Variants in EFCAB14 observed in about 807,000 individuals in gnomAD.
EFCAB14 encodes EF-hand calcium-binding domain-containing protein 14.
A neutral mutation model predicts 56.5 loss-of-function variants in EFCAB14; 43 were observed. That is an observed-to-expected ratio of 0.76 (90% CI 0.60 to 0.98). The LOEUF (loss-of-function observed/expected upper bound fraction) is 0.98. Ranked by LOEUF, EFCAB14 falls within the 50% of genes least tolerant of loss-of-function variation. The pLI, the probability that EFCAB14 is intolerant of heterozygous loss-of-function variation, is 0.00. For synonymous variants in EFCAB14, 235 were observed against 212.9 expected (o/e 1.10, Z -0.90); for missense variants, 538 against 580.3 (o/e 0.93, Z 0.75).
intron 3 of EFCAB14, among the ~76,000 whole-genome samples, chr1:46,703,110 G>A (rs115719726): frequency 0.012 from 1,800 of 148,466 alleles, 33 homozygotes; most frequent in African/African-American, 0.044. Context: ...TCCTCTGCTC[G>A]TACTTTTTTT....
Position 46,680,564 on chromosome 1 carries a change from A to G in EFCAB14, c.1313-1928T>C, listed in dbSNP as rs74458630. Among the ~76,000 whole-genome samples, 857 of 152,338 alleles carry G rather than the reference A, an allele frequency of 5.6e-3. 10 individuals carry two copies. Among genetic ancestry groups the G allele is most frequent in the East Asian group, 0.033 (173 of 5,194 alleles). Reference sequence around the variant, plus strand: ...TGATTAAGAGACTAGTGGTTGCTGGAGACTGGCAGGAGAGGGGACTGGGAG... The same window carrying G: ...TGATTAAGAGACTAGTGGTTGCTGGGGACTGGCAGGAGAGGGGACTGGGAG... On this transcript the variant is annotated intron_variant, in intron 10 of 10. Transcript: ENST00000371933.
intron 7 of EFCAB14, 74 bp downstream of exon 7, chr1:46,688,278 CT>C: frequency 7.0e-7 from 1 of 1,431,732 alleles, no homozygotes; most frequent in South Asian, 1.3e-5. Context: ...GAAGGCTGTT[CT>C]CAAAAGGTGG....
intron 2 of EFCAB14, among the ~76,000 whole-genome samples, chr1:46,712,301 A>T (rs1677321134): frequency 6.6e-6 from 1 of 152,178 alleles, no homozygotes. Flanking sequence ...ACTTTTCCAA[A>T]TTTCTTTTCA....
chr1:46,682,698 T>G (rs1325544372), intron 10 of EFCAB14, among the ~76,000 whole-genome samples: 2 of 152,138 alleles, frequency 1.3e-5, no homozygotes, highest in African/African-American at 4.8e-5. Flanking sequence ...TAAAAAACAT[T>G]AACAGAAAGA....
intron 3 of EFCAB14, among the ~76,000 whole-genome samples, chr1:46,699,931 T>C (rs752848646): frequency 6.6e-6 from 1 of 152,192 alleles, no homozygotes; most frequent in African/African-American, 2.4e-5. Context: ...GGAGCTGCCA[T>C]GCTGTGAGGA....
Position 46,683,368 on chromosome 1 carries a change from A to G in EFCAB14, c.1244T>C (p.Leu415Pro). 2 of 1,614,140 alleles carry G rather than the reference A, an allele frequency of 1.2e-6. No individual in the cohort carries two copies. The highest frequency in any genetic ancestry group is 8.5e-7 in the Non-Finnish European group (1 of 1,179,996). The part of the protein sequence containing the change: ...PSALPKFSQF[L>P]GDPVEKAAQL... Reference sequence around the variant, plus strand: ...GGCAGCTTTCTCAACTGGGTCTCCAAGAAACTGTGAAAATTTTGGCAATGC... The same window carrying G: ...GGCAGCTTTCTCAACTGGGTCTCCAGGAAACTGTGAAAATTTTGGCAATGC... Residue 415 changes from leucine to proline, a missense_variant, in exon 10 of 11, where the codon CTT (leucine) becomes CCT (proline). By Grantham distance (98) the Leu-to-Pro change is moderately conservative. Transcript: ENST00000371933.
intron 4 of EFCAB14, among the ~76,000 whole-genome samples, chr1:46,695,045 A>G (rs1159738254): frequency 1.5e-5 from 2 of 137,266 alleles, no homozygotes; most frequent in African/African-American, 5.4e-5. Context: ...ACTTGGACAC[A>G]GGAAGGGGAA....
intron 2 of EFCAB14, among the ~76,000 whole-genome samples, chr1:46,713,665 TATAA>T (rs1310747225): frequency 2.0e-5 from 3 of 152,110 alleles, no homozygotes; most frequent in Non-Finnish European, 4.4e-5. Flanking sequence ...TTTTGAAATA[TATAA>T]ATAAATAATT....
intron 7 of EFCAB14, among the ~76,000 whole-genome samples, chr1:46,688,005 A>C (rs1158254361): frequency 1.3e-5 from 2 of 152,320 alleles, no homozygotes; most frequent in East Asian, 3.9e-4. Flanking sequence ...TTAAAAAAGA[A>C]AAGACCCAAA....
chr1:46,693,377 T>C (rs1677028946), intron 4 of EFCAB14, among the ~76,000 whole-genome samples: 1 of 152,162 alleles, frequency 6.6e-6, no homozygotes, highest in African/African-American at 2.4e-5. Context: ...ATGACACTAA[T>C]AAAAATTACA....
rs1262047461 is a variant in EFCAB14 at position 46,677,863 on chromosome 1, C to T, written c.*598G>A. 6.6e-6 allele frequency: 1 copy of T among 152,566 alleles called. No homozygotes were observed. The highest frequency in any genetic ancestry group is 1.9e-4 in the East Asian group (1 of 5,190). The allele number at this position is 152,566 out of a possible 1,614,324, so 9.5% of individuals were successfully genotyped here. On this transcript the variant is annotated 3_prime_UTR_variant, in exon 11 of 11. Transcript: ENST00000371933. ...GACAAACCCCCTGGCAGCGCCTGGG[C>T]CTTTGAGGGATACCTTATGGAGACA...
At chr1:46,716,560 T>A in intron 1 of EFCAB14, 117 bp from the exon 2 acceptor site, 1 of 1,189,508 alleles carries the variant, frequency 8.4e-7, no homozygotes, top group Non-Finnish European at 1.2e-6. Context: ...ACCAGTGAAT[T>A]AACCAGGGGA....
intron 10 of EFCAB14, 68 bp from the exon 11 acceptor site, chr1:46,678,704 T>C: frequency 1.4e-6 from 2 of 1,426,080 alleles, no homozygotes; most frequent in East Asian, 2.4e-5. Flanking sequence ...AAAAGTAGTC[T>C]CAACTGAATT....
At position 46,718,344 on chromosome 1, in the gene EFCAB14, G is replaced by C; in HGVS notation, c.-257C>G. ...AGGAGCTGGTGACCCCAAAGGATAA[G>C]GCCTTGGGTGCAGAGTGTTAGTAGA... is the stretch of plus-strand genomic sequence containing the variant. On this transcript the variant is annotated 5_prime_UTR_variant, in exon 1 of 11. Coordinates refer to ENST00000371933, the MANE Select transcript of EFCAB14 (RefSeq NM_014774.3). The C allele has an allele frequency of 2.4e-6, 1 of 420,896 alleles. No individual in the cohort carries two copies. The highest frequency in any genetic ancestry group is 4.4e-6 in the Non-Finnish European group (1 of 229,834). The allele number at this position is 420,896 out of a possible 1,614,324, so 26.1% of individuals were successfully genotyped here.
intron 8 of EFCAB14, chr1:46,686,543 G>C (rs969669197): frequency 4.0e-6 from 2 of 505,172 alleles, no homozygotes; most frequent in African/African-American, 3.9e-5. Context: ...ACCACAATAG[G>C]GGTCACATGT....
At chr1:46,707,305 T>A (rs1393126080) in intron 3 of EFCAB14, among the ~76,000 whole-genome samples, 1 of 152,264 alleles carries the variant, frequency 6.6e-6, no homozygotes, top group Non-Finnish European at 1.5e-5. Context: ...TCCTTATACA[T>A]ACAAGATGCT....
chr1:46,681,285 T>C (rs1676790246), intron 10 of EFCAB14, among the ~76,000 whole-genome samples: 1 of 152,208 alleles, frequency 6.6e-6, no homozygotes, highest in Non-Finnish European at 1.5e-5. Flanking sequence ...TAAAAAATAC[T>C]TGTGTCCCCA....
intron 2 of EFCAB14, among the ~76,000 whole-genome samples, chr1:46,708,445 A>T (rs1677263730): frequency 6.6e-6 from 1 of 152,226 alleles, no homozygotes; most frequent in Non-Finnish European, 1.5e-5. Flanking sequence ...ATGGCTGCAA[A>T]GCACTTAAGA....
At chr1:46,714,631 A>G (rs1190415429) in intron 2 of EFCAB14, among the ~76,000 whole-genome samples, 1 of 151,904 alleles carries the variant, frequency 6.6e-6, no homozygotes, top group Non-Finnish European at 1.5e-5. Context: ...GTCTTTTACA[A>G]ACATACAAAA....
Sources: gnomAD v4.1 joint callset for allele counts (sites outside exome capture counted in the v4.1 genomes callset) on GRCh38, gnomAD v4.1.1 for gene constraint, MANE v1.5 for transcripts, NCBI Gene and HGNC (gene_info 2026-07-23, HGNC 2026-07-21) for gene names.